NLGN1: variants seen among roughly 807,000 people sequenced by gnomAD.
The protein encoded by NLGN1 is neuroligin 1.
Under a neutral mutation model 65.5 loss-of-function variants are expected in NLGN1, and 12 were observed. The observed-to-expected ratio is 0.18, with a 90% CI of 0.12 to 0.30. The LOEUF is 0.30. NLGN1 is among the 10% of genes least tolerant of loss of function. The pLI is 1.00. For missense variants in NLGN1, 750 were observed against 1,007.1 expected (o/e 0.74, Z 3.46); for synonymous variants, 350 against 359.5 (o/e 0.97, Z 0.30).
In NLGN1 at chr3:173,641,069, C is replaced by A. The variant is rs140392399; in HGVS notation, c.493+35978C>A. 3.2e-3 allele frequency among the ~76,000 whole-genome samples: 481 copies of A among 152,140 alleles called. 5 individuals carry two copies. Among genetic ancestry groups the A allele is most frequent in the African/African-American group, 0.011 (455 of 41,510 alleles). On this transcript the variant is annotated intron_variant, in intron 3 of 6. Transcript: ENST00000457714. ...ATTTGAGATATTTTAAGATAGTGTA[C>A]CTCTTCTGTTTCCTAGTATTCTTGA...
intron 3 of NLGN1, among the ~76,000 whole-genome samples, chr3:173,757,685 C>T (rs189264645): frequency 1.2e-4 from 18 of 151,966 alleles, no homozygotes; most frequent in African/African-American, 1.9e-4. Flanking sequence ...AAAAAAATGG[C>T]ACTTTGGAGA....
At chr3:173,644,018 C>G (rs934892057) in intron 3 of NLGN1, among the ~76,000 whole-genome samples, 1 of 152,178 alleles carries the variant, frequency 6.6e-6, no homozygotes, top group Admixed American at 6.5e-5. Flanking sequence ...GGGGCTGGTG[C>G]TTACCTACTG....
intron 4 of NLGN1, among the ~76,000 whole-genome samples, chr3:174,211,588 T>G (rs76380563): frequency 0.014 from 360 of 25,032 alleles, no homozygotes; most frequent in Middle Eastern, 0.043. Flanking sequence ...GTTCTCCACG[T>G]CCCCACCAGA....
chr3:173,703,402 C>T (rs1767557883), intron 3 of NLGN1, among the ~76,000 whole-genome samples: 1 of 152,070 alleles, frequency 6.6e-6, no homozygotes, highest in African/African-American at 2.4e-5. Flanking sequence ...ACAGATAATG[C>T]TGCCTGATTT....
intron 4 of NLGN1, among the ~76,000 whole-genome samples, chr3:174,263,768 C>A (rs1747433213): frequency 1.3e-5 from 2 of 151,828 alleles, no homozygotes; most frequent in South Asian, 2.1e-4. Flanking sequence ...GACGCAGTTT[C>A]TTCCTAGTCT....
intron 4 of NLGN1, among the ~76,000 whole-genome samples, chr3:174,019,694 T>C (rs1194358653): frequency 6.6e-6 from 1 of 152,164 alleles, no homozygotes; most frequent in Non-Finnish European, 1.5e-5. Context: ...TTCTCATTCA[T>C]TTGGGTTTTC....
At chr3:173,936,473 T>G (rs901723533) in intron 4 of NLGN1, among the ~76,000 whole-genome samples, 1 of 152,054 alleles carries the variant, frequency 6.6e-6, no homozygotes, top group Admixed American at 6.6e-5. Context: ...CTAAGCAGTG[T>G]GACACCATTG....
At chr3:174,059,658 G>C (rs943183455) in intron 4 of NLGN1, among the ~76,000 whole-genome samples, 2 of 152,138 alleles carry the variant, frequency 1.3e-5, no homozygotes, top group African/African-American at 4.8e-5. Context: ...TATGTCTTAT[G>C]ATGACCACAA....
At chr3:173,622,126 AG>A (rs1754092308) in intron 3 of NLGN1, among the ~76,000 whole-genome samples, 1 of 152,132 alleles carries the variant, frequency 6.6e-6, no homozygotes, top group Non-Finnish European at 1.5e-5. Flanking sequence ...AGAAATGAAT[AG>A]GGTACATAAT....
chr3:173,446,319 G>T (rs895888155), intron 2 of NLGN1, among the ~76,000 whole-genome samples: 3 of 151,558 alleles, frequency 2.0e-5, no homozygotes, highest in Admixed American at 6.6e-5. Context: ...GCGGTGTTTG[G>T]TTTTTTTGTC....
chr3:174,270,068 A>C (rs1226535486), intron 4 of NLGN1, among the ~76,000 whole-genome samples: 4 of 146,934 alleles, frequency 2.7e-5, no homozygotes, highest in African/African-American at 9.9e-5. Flanking sequence ...CTGGATATTA[A>C]TACTTTATCA....
At chr3:173,579,380 A>G (rs1054821080) in intron 2 of NLGN1, among the ~76,000 whole-genome samples, 2 of 152,190 alleles carry the variant, frequency 1.3e-5, no homozygotes, top group African/African-American at 4.8e-5. Context: ...GGAGGCTGAC[A>G]TGGGAGGATC....
chr3:174,012,184 G>A (rs1383821992), intron 4 of NLGN1, among the ~76,000 whole-genome samples: 1 of 152,096 alleles, frequency 6.6e-6, no homozygotes, highest in Non-Finnish European at 1.5e-5. Context: ...CCCTGCACAG[G>A]CCTCCAAGGT....
chr3:174,213,344 T>G (rs1219685690), intron 4 of NLGN1, among the ~76,000 whole-genome samples: 1 of 152,172 alleles, frequency 6.6e-6, no homozygotes, highest in Admixed American at 6.5e-5. Flanking sequence ...AAAATAGGAC[T>G]TTCCTTGAAA....
At chr3:174,090,825 C>G (rs889634226) in intron 4 of NLGN1, among the ~76,000 whole-genome samples, 2 of 151,894 alleles carry the variant, frequency 1.3e-5, no homozygotes, top group Non-Finnish European at 2.9e-5. Context: ...GTTCTCAGAC[C>G]AGCAGTATAA....
At chr3:173,689,917 G>A (rs1274247253) in intron 3 of NLGN1, among the ~76,000 whole-genome samples, 1 of 152,054 alleles carries the variant, frequency 6.6e-6, no homozygotes, top group Non-Finnish European at 1.5e-5. Flanking sequence ...ATGAGGAATG[G>A]GGGTCAGATA....
At chr3:174,264,487 CT>C (rs1747604540) in intron 4 of NLGN1, among the ~76,000 whole-genome samples, 1 of 150,642 alleles carries the variant, frequency 6.6e-6, no homozygotes. Context: ...GCTCCTGAGG[CT>C]TCTGCATTCT....
At chr3:173,472,158 GA>G (rs1472756031) in intron 2 of NLGN1, among the ~76,000 whole-genome samples, 1 of 152,080 alleles carries the variant, frequency 6.6e-6, no homozygotes, top group African/African-American at 2.4e-5. Context: ...CTCAAACACA[GA>G]AATAGGATGC....
chr3:174,175,599 A>T (rs1729301101), intron 4 of NLGN1, among the ~76,000 whole-genome samples: 1 of 151,926 alleles, frequency 6.6e-6, no homozygotes, highest in Non-Finnish European at 1.5e-5. Context: ...GAAAACTGTC[A>T]TTCAAATTCT....
Sources: allele counts gnomAD v4.1 joint callset (sites outside exome capture counted in the v4.1 genomes callset), GRCh38; gene constraint gnomAD v4.1.1; transcripts MANE v1.5; gene names NCBI Gene and HGNC (gene_info 2026-07-23, HGNC 2026-07-21).